The following RBM33 variants were observed in gnomAD, a reference collection of about 807,000 sequenced individuals.
RBM33 encodes the protein RNA binding motif protein 33.
Under a neutral mutation model 132.6 loss-of-function variants are expected in RBM33, and 28 were observed. That is an observed-to-expected ratio of 0.21 (90% CI 0.16 to 0.29). The LOEUF (loss-of-function observed/expected upper bound fraction) is 0.29, where lower values mean the gene tolerates loss of function less well. Ranked by LOEUF, RBM33 falls within the 10% of genes least tolerant of loss-of-function variation. The pLI, the probability that RBM33 is intolerant of heterozygous loss-of-function variation, is 1.00. For synonymous variants in RBM33, 634 were observed against 593.0 expected (o/e 1.07, Z -1.01); for missense variants, 1,291 against 1,518.5 (o/e 0.85, Z 2.49).
At chr7:155,691,176 C>T (rs1166988251) in intron 5 of RBM33, among the ~76,000 whole-genome samples, 4 of 152,262 alleles carry the variant, frequency 2.6e-5, no homozygotes, top group Admixed American at 1.3e-4. Flanking sequence ...TCTTTTTACT[C>T]TTTTTTCTCT....
intron 5 of RBM33, among the ~76,000 whole-genome samples, chr7:155,689,802 C>T (rs1403647693): frequency 6.6e-6 from 1 of 152,184 alleles, no homozygotes; most frequent in Non-Finnish European, 1.5e-5. Flanking sequence ...TTTCTTAATC[C>T]TAAGTTCTAG....
chr7:155,724,202 C>G (rs1284731205), intron 9 of RBM33, among the ~76,000 whole-genome samples: 1 of 151,952 alleles, frequency 6.6e-6, no homozygotes, highest in African/African-American at 2.4e-5. Flanking sequence ...TGTTTAGGTG[C>G]ATTTTTAAGG....
Position 155,742,089 on chromosome 7 carries a change from G to A in RBM33, c.2320G>A (p.Ala774Thr). ...ASPVAQPKEE[A>T]KTETEFPDED... ...CCCTGTGGCTCAACCTAAAGAAGAG[G>A]CAAAAACAGAAACAGAGGTAGGACA... The change falls in exon 13 of 18, where the codon GCA becomes ACA. Residue 774 changes from alanine to threonine, a missense_variant. Physicochemically the swap from Ala to Thr is moderately conservative, Grantham distance 58. This residue lies in a region of RBM33 where 841 missense variants were observed against 912.0 expected (regional missense o/e 0.92). Transcript: ENST00000401878. 1 of 1,612,674 alleles carries A rather than the reference G, an allele frequency of 6.2e-7. No homozygotes were observed. The highest frequency in any genetic ancestry group is 1.1e-5 in the South Asian group (1 of 91,040).
intron 5 of RBM33, among the ~76,000 whole-genome samples, chr7:155,683,618 C>T (rs10949730): frequency 0.67 from 102,434 of 152,052 alleles, 34,931 homozygotes; most frequent in South Asian, 0.77. Context: ...TAAAGCTGGA[C>T]GCACAGCTCT....
In RBM33 at chr7:155,713,513, C is replaced by T. The variant is rs1390501000; in HGVS notation, c.1201+2058C>T. ...GCAGGAGGAGAGCCTGGCAAAGGAG[C>T]CGAGAGGGAGGAAGGAGGATGACGG... On this transcript the variant is annotated intron_variant, in intron 8 of 17. Coordinates refer to ENST00000401878, the MANE Select transcript of RBM33 (RefSeq NM_053043.3). Among the ~76,000 whole-genome samples, 6 of 152,002 alleles carry T rather than the reference C, an allele frequency of 3.9e-5. No individual in the cohort carries two copies. In the East Asian group the frequency reaches 1.2e-3, roughly 30 times the overall value.
At chr7:155,747,713 TTAAG>T (rs1429760189) in intron 14 of RBM33, among the ~76,000 whole-genome samples, 3 of 152,246 alleles carry the variant, frequency 2.0e-5, no homozygotes, top group Non-Finnish European at 2.9e-5. Context: ...CTTTTACTTC[TTAAG>T]TGTCAACTAG....
At chr7:155,767,126 T>C (rs1211542312) in intron 16 of RBM33, among the ~76,000 whole-genome samples, 1 of 152,252 alleles carries the variant, frequency 6.6e-6, no homozygotes, top group Admixed American at 6.5e-5. Context: ...CATCTCTTAA[T>C]TTAAAGCTGG....
At chr7:155,771,662 G>A (rs1802429781) in intron 16 of RBM33, among the ~76,000 whole-genome samples, 1 of 152,202 alleles carries the variant, frequency 6.6e-6, no homozygotes, top group Non-Finnish European at 1.5e-5. Context: ...AGGAAATAAA[G>A]TCACCACATA....
At chr7:155,725,057 A>G (rs868079798) in intron 9 of RBM33, among the ~76,000 whole-genome samples, 39 of 150,716 alleles carry the variant, frequency 2.6e-4, no homozygotes, top group African/African-American at 9.0e-4. Context: ...TTTTGTGAAC[A>G]TAAGTTGTCA....
intron 9 of RBM33, among the ~76,000 whole-genome samples, chr7:155,728,041 A>T (rs1451937841): frequency 4.6e-5 from 7 of 152,180 alleles, no homozygotes; most frequent in Non-Finnish European, 8.8e-5. Flanking sequence ...AAGTGCTAAG[A>T]TTAGAGGTGT....
intron 3 of RBM33, among the ~76,000 whole-genome samples, chr7:155,673,564 A>G (rs542935534): frequency 0.013 from 1,109 of 82,256 alleles, 95 homozygotes; most frequent in African/African-American, 0.034. Flanking sequence ...ATATATACAC[A>G]CATATACATA....
At chr7:155,675,416 A>G (rs1799155412) in intron 3 of RBM33, among the ~76,000 whole-genome samples, 1 of 152,094 alleles carries the variant, frequency 6.6e-6, no homozygotes. Flanking sequence ...TTATAATGGC[A>G]ACATAACATT....
intron 16 of RBM33, among the ~76,000 whole-genome samples, chr7:155,768,707 C>T (rs961183241): frequency 6.6e-6 from 1 of 152,256 alleles, no homozygotes; most frequent in African/African-American, 2.4e-5. Flanking sequence ...ACCTCCGCCT[C>T]CCGGGTTCAA....
chr7:155,656,441 C>T (rs1376208402), intron 1 of RBM33, among the ~76,000 whole-genome samples: 1 of 152,158 alleles, frequency 6.6e-6, no homozygotes, highest in Admixed American at 6.5e-5. Context: ...GAAGTGGCCA[C>T]TTTTTGATTA....
At chr7:155,704,363 C>CT (rs1167865838) in intron 6 of RBM33, among the ~76,000 whole-genome samples, 1 of 152,188 alleles carries the variant, frequency 6.6e-6, no homozygotes, top group Non-Finnish European at 1.5e-5. Flanking sequence ...CGATACAGAA[C>CT]TACATACCTA....
At chr7:155,661,767 G>T (rs1299732789) in intron 1 of RBM33, among the ~76,000 whole-genome samples, 1 of 151,940 alleles carries the variant, frequency 6.6e-6, no homozygotes, top group Non-Finnish European at 1.5e-5. Flanking sequence ...TCGGTTTTTT[G>T]ATCATGGTTT....
At chr7:155,692,349 A>G (rs1014002553) in intron 5 of RBM33, among the ~76,000 whole-genome samples, 1 of 152,186 alleles carries the variant, frequency 6.6e-6, no homozygotes, top group Admixed American at 6.6e-5. Context: ...ATTTAGCTGC[A>G]GGTTTTGTGA....
chr7:155,660,114 G>A (rs1798600237), intron 1 of RBM33, among the ~76,000 whole-genome samples: 1 of 152,186 alleles, frequency 6.6e-6, no homozygotes, highest in Non-Finnish European at 1.5e-5. Context: ...CTTTTGCCCA[G>A]GCTAGACTAC....
chr7:155,687,593 G>C (rs1799517055), intron 5 of RBM33, among the ~76,000 whole-genome samples: 1 of 152,004 alleles, frequency 6.6e-6, no homozygotes. Flanking sequence ...TTTCTTCTAG[G>C]GTTTTTATGG....
Sources: allele counts gnomAD v4.1 joint callset (sites outside exome capture counted in the v4.1 genomes callset), GRCh38; gene constraint gnomAD v4.1.1; regional missense constraint gnomAD v4.1.1; transcripts MANE v1.5; gene names NCBI Gene and HGNC (gene_info 2026-07-23, HGNC 2026-07-21).